Variants in TTN observed in about 807,000 individuals in gnomAD.
The protein encoded by TTN is titin, also known as connectin.
In TTN, 1,525 loss-of-function variants were observed where a neutral mutation model predicts 3,223.0. The observed-to-expected ratio is 0.47, with a 90% CI of 0.45 to 0.49. TTN has a LOEUF of 0.49. Among genes scored for constraint, TTN ranks in the 20% least tolerant of loss-of-function variants. The pLI is 0.00. For missense variants in TTN, 40,786 were observed against 43,424.0 expected (o/e 0.94, Z 5.40); for synonymous variants, 14,094 against 15,161.0 (o/e 0.93, Z 5.17).
In TTN at chr2:178,713,381, T is replaced by C. The variant is rs200821070; in HGVS notation, c.26762-9A>G. 4.8e-6 allele frequency: 7 copies of C among 1,468,928 alleles called. No individual in the cohort carries two copies. The Admixed American group carries it at 8.1e-5, about 17-fold the overall frequency. 91.0% of individuals were successfully genotyped at this position (1,468,928 alleles called of 1,614,324 possible). A position where few individuals can be genotyped will look rare whatever the true frequency, so the allele number is the denominator to read the frequency against. ...AGGAGGAACGGTTCGGTCTGAATGA[T>C]ACAAAACAAAACAAAACAAAACAAA... On this transcript the variant is annotated splice_polypyrimidine_tract_variant and intron_variant, in intron 92 of 362. Transcript: ENST00000589042.
rs755172743 is a variant in TTN at position 178,568,002 on chromosome 2, T to C, written c.78130A>G (p.Ile26044Val). The C allele has an allele frequency of 6.8e-6, 11 of 1,613,392 alleles. No individual in the cohort carries two copies. The South Asian group carries it at 1.2e-4, about 18-fold the overall frequency. Residue 26044 changes from isoleucine (I) to valine (V), a missense_variant, in exon 326 of 363, where the codon ATT becomes GTT. Transcript: ENST00000589042. ...GCTTTGAATTGGGTGTCATGAATAA[T>C]AGTTTTGTTGACCTTTGTCCACAAA... ...SILWTKVNKTIIHDTQFKAQN... is the reference protein window; with the variant it reads ...SILWTKVNKTVIHDTQFKAQN...
intron 250 of TTN, 151 bp from the exon 251 acceptor site, chr2:178,619,004 G>T: frequency 9.6e-7 from 1 of 1,046,582 alleles, no homozygotes; most frequent in Non-Finnish European, 1.3e-6. Context: ...GTGGCTTAGA[G>T]TTCTCATAGC....
intron 218 of TTN, 74 bp downstream of exon 218, chr2:178,644,474 G>A (rs751352424): frequency 2.1e-5 from 23 of 1,095,620 alleles, no homozygotes; most frequent in African/African-American, 3.3e-5. Context: ...CAGAACATTC[G>A]ATGGAGGCAG....
rs1553988133 is a variant in TTN at position 178,766,615 on chromosome 2, G to A, written c.9472-3C>T. On this transcript the variant is annotated splice_region_variant and splice_polypyrimidine_tract_variant and intron_variant, in intron 40 of 362. Transcript: ENST00000589042. ...ACAGCACGCTGTTTCTCAATGACCTGTTGATGGAACAACATAAAAAAACAA... is the reference window on the plus strand; with the variant it reads ...ACAGCACGCTGTTTCTCAATGACCTATTGATGGAACAACATAAAAAAACAA... 3 of 1,609,726 alleles carry A rather than the reference G, an allele frequency of 1.9e-6. No individual in the cohort carries two copies. Among genetic ancestry groups the A allele is most frequent in the Non-Finnish European group, 2.5e-6 (3 of 1,176,636 alleles).
At position 178,782,239 on chromosome 2, in the gene TTN, G is replaced by T; in HGVS notation, c.3353C>A (p.Ser1118Tyr). Residue 1118 changes from serine (S) to tyrosine (Y), a missense_variant, in exon 20 of 363, where the codon TCT becomes TAT. Physicochemically the swap from Ser to Tyr is moderately radical, Grantham distance 144. Transcript: ENST00000589042. ...GTATCCAGTGGTTAGAGGAACACCA[G>T]ATTTTTTCCAGTATACATGGGGCTT... ...NPKPHVYWKK[S>Y]GVPLTTGYRY... 1 of 1,614,114 alleles carries T rather than the reference G, an allele frequency of 6.2e-7. No homozygotes were observed. The highest frequency in any genetic ancestry group is 8.5e-7 in the Non-Finnish European group (1 of 1,179,984).
chr2:178,594,563 C>G lies in TTN; in HGVS notation c.57931G>C (p.Asp19311His). The change falls in exon 296 of 363, where the codon GAT becomes CAT. Residue 19311 changes from aspartate to histidine, a missense_variant. Coordinates refer to ENST00000589042, the MANE Select transcript of TTN (RefSeq NM_001267550.2). ...TAGTTAATAATTTCTGACCCACCAT[C>G]ATACTTAGGAGGATTCCAAGTCAAA... ...VTLTWNPPKY[D>H]GGSEIINYVL... 1 of 1,613,298 alleles carries G rather than the reference C, an allele frequency of 6.2e-7. No individual in the cohort carries two copies. Among genetic ancestry groups the G allele is most frequent in the Non-Finnish European group, 8.5e-7 (1 of 1,179,482 alleles).
At chr2:178,765,371 TCC>T (rs879650072) in intron 41 of TTN, among the ~76,000 whole-genome samples, 7 of 152,354 alleles carry the variant, frequency 4.6e-5, no homozygotes, top group Admixed American at 6.5e-5. Context: ...AATTCAGCTT[TCC>T]TGTTTTGCTA....
chr2:178,602,228 C>T, intron 283 of TTN, 54 bp downstream of exon 283: 2 of 1,595,170 alleles, frequency 1.3e-6, no homozygotes, highest in East Asian at 2.3e-5. Flanking sequence ...GTAAATTAAT[C>T]AATTTCATAA....
At position 178,549,493 on chromosome 2, in the gene TTN, C is replaced by A; in HGVS notation, c.92153-20G>T. ...GAACAGCTGTAAAACAAAAACAAAA[C>A]CCCAAATCAATTAGATGCATTTGCT... is the stretch of plus-strand genomic sequence containing the variant. On this transcript the variant is annotated intron_variant, in intron 338 of 362. Transcript: ENST00000589042. 1.3e-6 allele frequency: 2 copies of A among 1,593,710 alleles called. No homozygotes were observed. The highest frequency in any genetic ancestry group is 2.3e-5 in the South Asian group (2 of 88,120).
Position 178,708,014 on chromosome 2 carries a change from A to G in TTN, c.28754-201T>C, listed in dbSNP as rs575540487. ...ATTTTTTAAAAAGATAAAGGTTTAA[A>G]AACAAGCAAAGAACACATCACATGC... On this transcript the variant is annotated intron_variant, in intron 99 of 362. Transcript: ENST00000589042. Among the ~76,000 whole-genome samples, 6 of 152,342 alleles carry G rather than the reference A, an allele frequency of 3.9e-5. No individual in the cohort carries two copies. In the East Asian group the frequency reaches 1.2e-3, roughly 29 times the overall value.
In TTN at chr2:178,739,329, A is replaced by G; in HGVS notation, c.13904T>C (p.Val4635Ala). 6 of 1,613,666 alleles carry G rather than the reference A, an allele frequency of 3.7e-6. No individual in the cohort carries two copies. Among genetic ancestry groups the G allele is most frequent in the Non-Finnish European group, 5.1e-6 (6 of 1,179,762 alleles). Residue 4635 changes from valine (V) to alanine (A), a missense_variant, in exon 48 of 363, where the codon GTG becomes GCG. By Grantham distance (64) the Val-to-Ala change is moderately conservative (BLOSUM62 0). Transcript: ENST00000589042. ...LTTSITNAKE[V>A]NWYFENKLVP... ...CAGTTTATTCTCAAAATACCAATTC[A>G]CCTCTTTAGCATTTGTTATGGATGT...
chr2:178,588,460 C>T (rs763952665), intron 304 of TTN, 78 bp downstream of exon 304: 201 of 1,425,370 alleles, frequency 1.4e-4, no homozygotes, highest in Middle Eastern at 3.7e-4. Context: ...TTAGATGTTA[C>T]ATTAACTTAT....
chr2:178,602,616 T>G (rs2053741154), intron 282 of TTN, 26 bp from the exon 283 acceptor site: 1 of 1,454,762 alleles, frequency 6.9e-7, no homozygotes, highest in Non-Finnish European at 9.1e-7. Flanking sequence ...AAAAAAAAGC[T>G]TCATCAGATT....
In TTN at chr2:178,783,643, C is replaced by A. The variant is rs963162935; in HGVS notation, c.2841+77G>T. The A allele has an allele frequency of 1.1e-5, 14 of 1,273,376 alleles. No individual in the cohort carries two copies. The African/African-American group carries it at 1.9e-4, about 17-fold the overall frequency. 78.9% of individuals were successfully genotyped at this position (1,273,376 alleles called of 1,614,324 possible). On this transcript the variant is annotated intron_variant, in intron 17 of 362. Coordinates refer to ENST00000589042, the MANE Select transcript of TTN (RefSeq NM_001267550.2). ...GTCATTTTTGTATTAATTTGAGAAA[C>A]TGATCTTTGCAAACGTGTATTAAAA... is the stretch of plus-strand genomic sequence containing the variant.
Position 178,552,211 on chromosome 2 carries a change from C to T in TTN, c.90689G>A (p.Gly30230Glu). ...ITLGPPSKPK[G>E]PIRFDEIKAD... ...CTTGATTTCATCAAATCGAATGGGTCCTTTGGGCTTTGATGGTGGGCCAAG... is the reference window on the plus strand; with the variant it reads ...CTTGATTTCATCAAATCGAATGGGTTCTTTGGGCTTTGATGGTGGGCCAAG... The change falls in exon 335 of 363, where the codon GGA (glycine) becomes GAA (glutamate). Residue 30230 changes from glycine (G) to glutamate (E), a missense_variant. Physicochemically the swap from Gly to Glu is moderately conservative, Grantham distance 98 (BLOSUM62 -2). Coordinates refer to ENST00000589042, the MANE Select transcript of TTN (RefSeq NM_001267550.2). 6.2e-7 allele frequency: 1 copy of T among 1,613,374 alleles called. No homozygotes were observed. Among genetic ancestry groups the T allele is most frequent in the Non-Finnish European group, 8.5e-7 (1 of 1,179,622 alleles).
intron 106 of TTN, 116 bp from the exon 107 acceptor site, chr2:178,702,779 GA>G (rs2075231779): frequency 8.9e-7 from 1 of 1,125,898 alleles, no homozygotes; most frequent in East Asian, 2.6e-5. Flanking sequence ...AAAATAGCAA[GA>G]AAAGTTCAAA....
In TTN at chr2:178,776,440, C is replaced by T. The variant is rs750230812; in HGVS notation, c.5424G>A (p.Glu1808=). The stretch of plus-strand genomic sequence containing the variant: ...CAATTCTCTGTAAGCCTTTCCTCCC[C>T]TCAGGCAATTGGGATTCTTCCACAA... ...KSLVEESQLP[E]GRKGLQRIEE... Residue 1808 remains glutamate, a synonymous_variant, in exon 28 of 363, where the codon GAG becomes GAA. Coordinates refer to ENST00000589042, the MANE Select transcript of TTN (RefSeq NM_001267550.2). 9.9e-6 allele frequency: 16 copies of T among 1,609,438 alleles called. No homozygotes were observed. In the South Asian group the frequency reaches 1.3e-4, roughly 13 times the overall value.
At chr2:178,688,563 A>C in intron 126 of TTN, 114 bp downstream of exon 126, 1 of 767,000 alleles carries the variant, frequency 1.3e-6, no homozygotes, top group South Asian at 1.6e-5. Context: ...TACCAACATA[A>C]GGAGAAATAA....
rs766534072 is a variant in TTN, at chr2:178,710,862, T to C, written c.28235A>G (p.Glu9412Gly). 2 of 1,613,880 alleles carry C rather than the reference T, an allele frequency of 1.2e-6. No homozygotes were observed. Among genetic ancestry groups the C allele is most frequent in the South Asian group, 1.1e-5 (1 of 91,072 alleles). ...RLAPVDAVVGESADFECHVTG... is the reference protein window; with the variant it reads ...RLAPVDAVVGGSADFECHVTG... ...GACGTGGCACTCAAAGTCAGCACTT[T>C]CTCCCACCACAGCATCCACAGGGGC... The change falls in exon 98 of 363, where the codon GAA becomes GGA. Residue 9412 changes from glutamate to glycine, a missense_variant. Physicochemically the swap from Glu to Gly is moderately conservative, Grantham distance 98. Transcript: ENST00000589042.
Sources: gnomAD v4.1 joint callset for allele counts (sites outside exome capture counted in the v4.1 genomes callset) on GRCh38, gnomAD v4.1.1 for gene constraint, MANE v1.5 for transcripts, NCBI Gene and HGNC (gene_info 2026-07-23, HGNC 2026-07-21) for gene names.